Variants in LRP1 observed in about 807,000 individuals in gnomAD.
The protein encoded by LRP1 is prolow-density lipoprotein receptor-related protein 1.
In LRP1, 51 loss-of-function variants were observed where a neutral mutation model predicts 541.5. The observed-to-expected ratio is 0.09, with a 90% confidence interval of 0.08 to 0.12. LRP1 has a LOEUF of 0.12. Among genes scored for constraint, LRP1 ranks in the 10% least tolerant of loss-of-function variants. LRP1 has a pLI of 1.00. For synonymous variants in LRP1, 2,219 were observed against 2,470.8 expected (o/e 0.90, Z 3.02); for missense variants, 3,878 against 6,376.2 (o/e 0.61, Z 13.34).
At chr12:57,208,585 A>G (rs965680563) in intron 77 of LRP1, 126 bp from the exon 78 acceptor site, 6 of 626,708 alleles carry the variant, frequency 9.6e-6, no homozygotes, top group Non-Finnish European at 1.7e-5. Context: ...TCTCTGTAGA[A>G]GGACAGAATG....
At chr12:57,163,140 G>C (rs1048558429) in intron 15 of LRP1, among the ~76,000 whole-genome samples, 157 bp downstream of exon 15, 7 of 152,194 alleles carry the variant, frequency 4.6e-5, no homozygotes, top group Non-Finnish European at 8.8e-5. Context: ...GGAGAGCAAA[G>C]GCTCTGGGGG....
At chr12:57,132,955 C>T (rs528684360) in intron 1 of LRP1, among the ~76,000 whole-genome samples, 26 of 152,314 alleles carry the variant, frequency 1.7e-4, no homozygotes, top group South Asian at 4.1e-4. Context: ...CACTTTCCTC[C>T]GACTTCCTCT....
Position 57,197,490 on chromosome 12 carries a change from A to G in LRP1, c.9163-55A>G. 1 of 1,612,966 alleles carries G rather than the reference A, an allele frequency of 6.2e-7. No homozygotes were observed. The highest frequency in any genetic ancestry group is 8.5e-7 in the Non-Finnish European group (1 of 1,179,318). ...CCAACCATCCCTCCCCCAGATGCAA[A>G]TGTGGCCCCTGTTGCCACAACCGAC... On this transcript the variant is annotated intron_variant, in intron 57 of 88. Coordinates refer to ENST00000243077, the MANE Select transcript of LRP1 (RefSeq NM_002332.3). This position sits in a 1 kb window ranked among gnomAD's most constrained non-coding sequence, Gnocchi z 4.5.
chr12:57,198,408 G>A, intron 59 of LRP1, 57 bp from the exon 60 acceptor site: 1 of 1,605,340 alleles, frequency 6.2e-7, no homozygotes, highest in Admixed American at 1.7e-5. Flanking sequence ...CTCCCTGCAG[G>A]CCACTGGTGC....
intron 15 of LRP1, chr12:57,164,633 A>G (rs944405261): frequency 6.6e-6 from 1 of 152,210 alleles, no homozygotes; most frequent in Non-Finnish European, 1.5e-5. Context: ...CATTTTACAG[A>G]TGAAAAAACT....
chr12:57,141,003 G>A (rs1291728572), intron 2 of LRP1, among the ~76,000 whole-genome samples: 1 of 152,122 alleles, frequency 6.6e-6, no homozygotes, highest in Non-Finnish European at 1.5e-5. Context: ...CAAAGTGCTA[G>A]GATTATAGGT....
intron 61 of LRP1, among the ~76,000 whole-genome samples, 187 bp from the exon 62 acceptor site, chr12:57,199,690 G>T (rs959617572): frequency 1.4e-4 from 22 of 152,306 alleles, no homozygotes; most frequent in African/African-American, 5.1e-4. Context: ...CACAGAGGAG[G>T]TGGGGAGCTG....
At chr12:57,132,522 C>T (rs952187432) in intron 1 of LRP1, among the ~76,000 whole-genome samples, 5 of 152,174 alleles carry the variant, frequency 3.3e-5, no homozygotes, top group African/African-American at 7.2e-5. Flanking sequence ...CTAGGCTCAG[C>T]GGGGTAGTCA....
In LRP1 at chr12:57,212,370, A is replaced by G. The variant is rs1483513729; in HGVS notation, c.13495-45A>G. On this transcript the variant is annotated intron_variant, in intron 88 of 88. Transcript: ENST00000243077. The surrounding 1 kb of genome is among the most constrained non-coding windows in gnomAD (Gnocchi z 5.0). ...GTGGGGGTGGGGTAACCTGGGCTAC[A>G]GGCCCAGCTCCTGAGCCCTACCTGA... The G allele has an allele frequency of 3.1e-6, 5 of 1,613,728 alleles. No homozygotes were observed. The highest frequency in any genetic ancestry group is 4.2e-6 in the Non-Finnish European group (5 of 1,179,916).
chr12:57,150,104 C>A (rs1260007460), intron 6 of LRP1: 2 of 213,626 alleles, frequency 9.4e-6, no homozygotes, highest in Non-Finnish European at 1.9e-5. Context: ...GCAGCGCTCT[C>A]CTTACAGTAT....
In LRP1 at chr12:57,200,828, C is replaced by CCCCCCCCCCCCCCCCCCT; in HGVS notation, c.10225+14_10225+15insCCCCCCCCCCCCCCCCTC. 1 of 773,858 alleles carries CCCCCCCCCCCCCCCCCCT rather than the reference C, an allele frequency of 1.3e-6. No individual in the cohort carries two copies. The allele number at this position is 773,858 out of a possible 1,614,324, so 47.9% of individuals were successfully genotyped here. Reference sequence around the variant, plus strand: ...GAGGCCAACTGTGGTAAGGCGCTGCCCGCCCACCCTCCCTCCTTCCCCAGC... The same window carrying CCCCCCCCCCCCCCCCCCT: ...GAGGCCAACTGTGGTAAGGCGCTGCCCCCCCCCCCCCCCCCCCTCGCCCACCCTCCCTCCTTCCCCAGC... On this transcript the variant is annotated intron_variant, in intron 64 of 88. Transcript: ENST00000243077.
At chr12:57,210,915 G>A in intron 83 of LRP1, 36 bp downstream of exon 83, 1 of 1,592,862 alleles carries the variant, frequency 6.3e-7, no homozygotes, top group Non-Finnish European at 8.6e-7. Flanking sequence ...GGGCATGCGG[G>A]AGGGTGACGG....
intron 1 of LRP1, among the ~76,000 whole-genome samples, chr12:57,137,444 G>T (rs1299015543): frequency 6.6e-6 from 1 of 152,050 alleles, no homozygotes; most frequent in East Asian, 1.9e-4. Flanking sequence ...CCCTGCCTCT[G>T]CTCCCCAATT....
At chr12:57,140,329 G>A (rs1012511195) in intron 2 of LRP1, among the ~76,000 whole-genome samples, 4 of 152,122 alleles carry the variant, frequency 2.6e-5, no homozygotes, top group African/African-American at 9.7e-5. Flanking sequence ...CAATAGAAAT[G>A]TATTGCAAGC....
Position 57,190,869 on chromosome 12 carries a change from G to C in LRP1, c.7096G>C (p.Ala2366Pro), listed in dbSNP as rs769478229. The C allele has an allele frequency of 1.2e-6, 2 of 1,614,010 alleles. No individual in the cohort carries two copies. Among genetic ancestry groups the C allele is most frequent in the Non-Finnish European group, 1.7e-6 (2 of 1,179,982 alleles). The change falls in exon 43 of 89, where the codon GCC (alanine) becomes CCC (proline). Residue 2366 changes from alanine to proline, a missense_variant. Transcript: ENST00000243077. ...CATCATGCGGGCGGCGCTCTCGGGA[G>C]CCAATGTCCTGACCCTTATCGAGAA... is the stretch of plus-strand genomic sequence containing the variant. The part of the protein sequence containing the change: ...PSIMRAALSG[A>P]NVLTLIEKDI...
intron 1 of LRP1, 165 bp downstream of exon 1, chr12:57,129,196 T>A: frequency 1.4e-6 from 1 of 712,634 alleles, no homozygotes; most frequent in Middle Eastern, 4.0e-4. Flanking sequence ...GGGGTCCGAT[T>A]TGGGGGATGG....
intron 6 of LRP1, among the ~76,000 whole-genome samples, chr12:57,152,003 G>C (rs1224274551): frequency 6.6e-6 from 1 of 152,134 alleles, no homozygotes; most frequent in African/African-American, 2.4e-5. Flanking sequence ...GGCCTGCTGA[G>C]TGGGGCCCTG....
In LRP1 at chr12:57,162,566, G is replaced by A. The variant is rs769036483; in HGVS notation, c.2404+48G>A. On this transcript the variant is annotated intron_variant, in intron 14 of 88. Transcript: ENST00000243077. The surrounding 1 kb of genome is among the most constrained non-coding windows in gnomAD (Gnocchi z 5.2). ...AGCGTGGGACCTGGAAGGGGTGGTG[G>A]GACTTAGGCATTGATTTGAGACTTC... The A allele has an allele frequency of 3.7e-6, 6 of 1,601,164 alleles. No homozygotes were observed. Among genetic ancestry groups the A allele is most frequent in the African/African-American group, 2.7e-5 (2 of 74,592 alleles).
At position 57,183,458 on chromosome 12, in the gene LRP1, C is replaced by T. The variant is rs2136708628; in HGVS notation, c.5742C>T (p.Ala1914=). The part of the protein sequence containing the change: ...IPLDPNDKSD[A]LVPVSGTSLA... The stretch of plus-strand genomic sequence containing the variant: ...TGGATCCCAATGACAAGTCAGATGC[C>T]CTGGTCCCAGTGTCCGGGACCTCGC... Residue 1914 remains alanine (A), a synonymous_variant, in exon 35 of 89, where the codon GCC becomes GCT. Coordinates refer to ENST00000243077, the MANE Select transcript of LRP1 (RefSeq NM_002332.3). The surrounding 1 kb of genome is among the most constrained non-coding windows in gnomAD (Gnocchi z 6.1). 1.2e-6 allele frequency: 2 copies of T among 1,614,152 alleles called. No homozygotes were observed. The highest frequency in any genetic ancestry group is 2.2e-5 in the East Asian group (1 of 44,884).
Sources: allele counts gnomAD v4.1 joint callset (sites outside exome capture counted in the v4.1 genomes callset), GRCh38; gene constraint gnomAD v4.1.1; non-coding constraint Gnocchi (gnomAD v3.1); transcripts MANE v1.5; gene names NCBI Gene and HGNC (gene_info 2026-07-23, HGNC 2026-07-21).